MED12L: variants seen among roughly 807,000 people sequenced by gnomAD.
The protein encoded by MED12L is mediator complex subunit 12L, also known as mediator of RNA polymerase II transcription subunit 12-like protein.
A neutral mutation model predicts 281.3 loss-of-function variants in MED12L; 60 were observed. That is an observed-to-expected ratio of 0.21 (90% CI 0.17 to 0.26). MED12L has a LOEUF of 0.26. Ranked by LOEUF, MED12L falls within the 10% of genes least tolerant of loss-of-function variation. MED12L has a pLI of 1.00. For synonymous variants in MED12L, 974 were observed against 987.2 expected, an observed-to-expected ratio of 0.99 and a Z score of 0.25; for missense variants, 2,146 against 2,680.9, an observed-to-expected ratio of 0.80 and a Z score of 4.41.
intron 16 of MED12L, chr3:151,338,265 C>G (rs753306510): frequency 1.2e-6 from 2 of 1,613,910 alleles, no homozygotes; most frequent in South Asian, 2.2e-5. Flanking sequence ...AATGACTTGA[C>G]AGATGTAATT....
chr3:151,220,767 T>C (rs1008073353), intron 16 of MED12L, among the ~76,000 whole-genome samples: 2 of 152,236 alleles, frequency 1.3e-5, no homozygotes, highest in Non-Finnish European at 2.9e-5. Context: ...TTTTGTAAAC[T>C]GTCCTGTTTC....
intron 27 of MED12L, among the ~76,000 whole-genome samples, chr3:151,375,600 T>G (rs1333584896): frequency 6.6e-6 from 1 of 152,192 alleles, no homozygotes; most frequent in Non-Finnish European, 1.5e-5. Context: ...GAAGATCGTT[T>G]TCTAAATATT....
chr3:151,195,135 C>T (rs754093959), intron 16 of MED12L, among the ~76,000 whole-genome samples: 8 of 152,158 alleles, frequency 5.3e-5, no homozygotes, highest in Non-Finnish European at 7.4e-5. Flanking sequence ...TGCACTCCAG[C>T]CTGGGCGACA....
intron 16 of MED12L, among the ~76,000 whole-genome samples, chr3:151,200,507 A>G (rs373055945): frequency 2.0e-4 from 31 of 152,380 alleles, no homozygotes; most frequent in African/African-American, 7.5e-4. Flanking sequence ...AGGCCAGATC[A>G]GCTACTCTGT....
chr3:151,200,221 C>T (rs3773616), intron 16 of MED12L, among the ~76,000 whole-genome samples: 6,339 of 152,166 alleles, frequency 0.042, 167 homozygotes, highest in Middle Eastern at 0.085. Flanking sequence ...CATGTCCCTC[C>T]CAAATCTGGA....
At chr3:151,255,890 A>G (rs1737724981) in intron 16 of MED12L, among the ~76,000 whole-genome samples, 1 of 152,184 alleles carries the variant, frequency 6.6e-6, no homozygotes, top group Non-Finnish European at 1.5e-5. Flanking sequence ...CCCATCTGCA[A>G]AAAGAGTCTA....
intron 6 of MED12L, among the ~76,000 whole-genome samples, chr3:151,157,865 AG>A (rs1719483278): frequency 1.3e-5 from 2 of 152,210 alleles, no homozygotes; most frequent in South Asian, 4.1e-4. Flanking sequence ...TGACCATAAA[AG>A]TATATGTCTT....
At chr3:151,374,423 CT>C (rs1756573373) in intron 27 of MED12L, among the ~76,000 whole-genome samples, 1 of 152,176 alleles carries the variant, frequency 6.6e-6, no homozygotes, top group Admixed American at 6.5e-5. Context: ...TGGCACATGC[CT>C]GTCATCCCAG....
chr3:151,159,782 A>C (rs368745633), intron 7 of MED12L, 50 bp from the exon 8 acceptor site: 1 of 1,534,326 alleles, frequency 6.5e-7, no homozygotes, highest in African/African-American at 1.4e-5. Flanking sequence ...TAGTTATTTA[A>C]CCAAGACGCA....
chr3:151,164,417 T>C (rs1323330193), intron 9 of MED12L, among the ~76,000 whole-genome samples: 1 of 152,172 alleles, frequency 6.6e-6, no homozygotes, highest in African/African-American at 2.4e-5. Flanking sequence ...AACCATAGGA[T>C]TGTGATTAAT....
intron 3 of MED12L, among the ~76,000 whole-genome samples, chr3:151,120,119 G>A (rs1416045468): frequency 6.6e-6 from 1 of 151,148 alleles, no homozygotes; most frequent in Non-Finnish European, 1.5e-5. Flanking sequence ...CAGCTACTCT[G>A]AGAGGCTGAG....
At chr3:151,210,384 A>G (rs970667996) in intron 16 of MED12L, among the ~76,000 whole-genome samples, 2 of 152,246 alleles carry the variant, frequency 1.3e-5, no homozygotes, top group Admixed American at 6.5e-5. Flanking sequence ...AAGATGACCA[A>G]CGAATGAGCA....
intron 11 of MED12L, among the ~76,000 whole-genome samples, chr3:151,170,931 T>C (rs779603999): frequency 2.6e-5 from 4 of 152,078 alleles, no homozygotes; most frequent in Non-Finnish European, 5.9e-5. Flanking sequence ...AATTCTTAGA[T>C]TCTGCTTGGG....
intron 18 of MED12L, 103 bp from the exon 19 acceptor site, chr3:151,355,793 A>G: frequency 2.0e-6 from 2 of 998,458 alleles, no homozygotes; most frequent in Non-Finnish European, 2.8e-6. Flanking sequence ...TCAAAGTAGA[A>G]TCATGTATAG....
intron 5 of MED12L, among the ~76,000 whole-genome samples, chr3:151,139,592 A>G (rs1254392546): frequency 6.6e-6 from 1 of 152,142 alleles, no homozygotes; most frequent in Non-Finnish European, 1.5e-5. Flanking sequence ...GACTAGACCT[A>G]CTCAAGTTGT....
rs564982734 is a variant in MED12L, at chr3:151,382,735, G to A, written c.4670G>A (p.Arg1557His). The stretch of plus-strand genomic sequence containing the variant: ...ATGATGCACGAAGCATTGCAACTCC[G>A]CCTAAATTTGGTAAGTGACATTTCT... The part of the protein sequence containing the change: ...RQMMHEALQL[R>H]LNLVGGMFDT... The change falls in exon 33 of 45, where the codon CGC becomes CAC. Residue 1557 changes from arginine to histidine, a missense_variant. This residue lies in a region of MED12L where 212 missense variants were observed against 340.8 expected (regional missense o/e 0.62). Transcript: ENST00000687756. 6.2e-7 allele frequency: 1 copy of A among 1,606,750 alleles called. No homozygotes were observed. The highest frequency in any genetic ancestry group is 8.5e-7 in the Non-Finnish European group (1 of 1,176,130).
In MED12L at chr3:151,377,171, T is replaced by C; in HGVS notation, c.4309T>C (p.Phe1437Leu). The change falls in exon 30 of 45, where the codon TTC (phenylalanine) becomes CTC (leucine). Residue 1437 changes from phenylalanine (F) to leucine (L), a missense_variant. By Grantham distance (22) the Phe-to-Leu change is conservative (BLOSUM62 0). This residue lies in a region of MED12L where 235 missense variants were observed against 260.3 expected (regional missense o/e 0.90). Transcript: ENST00000687756. The part of the protein sequence containing the change: ...SSTRQNGIKT[F>L]LSSSERRGVW... ...CACGAGACAGAATGGAATAAAGACA[T>C]TCCTAAGGTATTTTTGTCTGTTGTT... 1 of 1,604,780 alleles carries C rather than the reference T, an allele frequency of 6.2e-7. No individual in the cohort carries two copies. The highest frequency in any genetic ancestry group is 8.5e-7 in the Non-Finnish European group (1 of 1,176,920).
chr3:151,242,102 G>A (rs1460138083), intron 16 of MED12L, among the ~76,000 whole-genome samples: 8 of 152,120 alleles, frequency 5.3e-5, no homozygotes, highest in Non-Finnish European at 1.0e-4. Flanking sequence ...ATTATATCCC[G>A]CACCTGGCTC....
intron 16 of MED12L, chr3:151,337,657 A>G (rs952328673): frequency 1.4e-6 from 1 of 695,922 alleles, no homozygotes; most frequent in African/African-American, 1.8e-5. Context: ...AGCTTTTCAT[A>G]CTGGAAAGGT....
Sources: gnomAD v4.1 joint callset for allele counts (sites outside exome capture counted in the v4.1 genomes callset) on GRCh38, gnomAD v4.1.1 for gene constraint, gnomAD v4.1.1 regional missense constraint, MANE v1.5 for transcripts, NCBI Gene and HGNC (gene_info 2026-07-23, HGNC 2026-07-21) for gene names.